The following COQ8A variants were observed in gnomAD, a reference collection of about 807,000 sequenced individuals.
COQ8A encodes the protein atypical kinase COQ8A, mitochondrial.
A neutral mutation model predicts 65.0 loss-of-function variants in COQ8A; 51 were observed. The observed-to-expected ratio is 0.78, with a 90% CI of 0.63 to 0.99. The LOEUF is 0.99. Ranked by LOEUF, COQ8A falls within the 50% of genes least tolerant of loss-of-function variation. The pLI is 0.00. For missense variants in COQ8A, 940 were observed against 875.0 expected, an observed-to-expected ratio of 1.07 and a Z score of -0.94; for synonymous variants, 371 against 353.2, an observed-to-expected ratio of 1.05 and a Z score of -0.57.
chr1:226,983,158 A>C, intron 8 of COQ8A, 124 bp downstream of exon 8: 1 of 1,383,660 alleles, frequency 7.2e-7, no homozygotes, highest in South Asian at 1.5e-5. Context: ...GCAGGGCCAT[A>C]TGTGGTGTCT....
chr1:226,973,396 A>C (rs1407699639), intron 4 of COQ8A, among the ~76,000 whole-genome samples: 1 of 152,166 alleles, frequency 6.6e-6, no homozygotes, highest in African/African-American at 2.4e-5. Flanking sequence ...AGCCAAGAAG[A>C]AGCATATGGC....
At position 226,981,694 on chromosome 1, in the gene COQ8A, G is replaced by A. The variant is rs75045502; in HGVS notation, c.731-333G>A. Among the ~76,000 whole-genome samples, 889 of 152,258 alleles carry A rather than the reference G, an allele frequency of 5.8e-3. 4 individuals are homozygous for A. The highest frequency in any genetic ancestry group is 0.01 in the Middle Eastern group (3 of 294). Reference sequence around the variant, plus strand: ...CATCCCTCTTGGTTCCCACTCCCACGCCCCTTCCAGCCACAGGCAGCACCA... The same window carrying A: ...CATCCCTCTTGGTTCCCACTCCCACACCCCTTCCAGCCACAGGCAGCACCA... On this transcript the variant is annotated intron_variant, in intron 5 of 14. Transcript: ENST00000366777.
intron 2 of COQ8A, among the ~76,000 whole-genome samples, chr1:226,963,991 C>T (rs968316272): frequency 6.6e-6 from 1 of 152,210 alleles, no homozygotes; most frequent in Non-Finnish European, 1.5e-5. Flanking sequence ...CATTTGCTGC[C>T]TGGTGACCTT....
Position 226,977,456 on chromosome 1 carries a change from C to A in COQ8A, c.663C>A (p.Ala221=). 6.4e-7 allele frequency: 1 copy of A among 1,563,848 alleles called. No individual in the cohort carries two copies. Among genetic ancestry groups the A allele is most frequent in the Non-Finnish European group, 8.7e-7 (1 of 1,154,400 alleles). The change falls in exon 5 of 15, where the codon GCC becomes GCA. Residue 221 remains alanine, a synonymous_variant. Transcript: ENST00000366777. ...GCCCCCTCCTCCTTGCAGGTCTGGC[C>A]GTGGGCCTGGGCTTCGGGGCACTGG... ...IGRLANFGGL[A]VGLGFGALAE... is the part of the protein sequence containing the mutation.
chr1:226,981,916 A>T, intron 5 of COQ8A, 111 bp from the exon 6 acceptor site: 2 of 1,521,310 alleles, frequency 1.3e-6, no homozygotes, highest in Non-Finnish European at 1.8e-6. Context: ...GGTTTTATGG[A>T]CGCCTGGGAG....
At chr1:226,961,609 G>A (rs1341520853) in intron 2 of COQ8A, 47 bp downstream of exon 2, 4 of 1,572,154 alleles carry the variant, frequency 2.5e-6, no homozygotes, top group Non-Finnish European at 3.5e-6. Context: ...AAGAGGGTGG[G>A]ACCTGGAGCT....
intron 1 of COQ8A, among the ~76,000 whole-genome samples, chr1:226,960,429 GGTACTTGGTGGTA>G (rs1558187483): frequency 7.0e-5 from 5 of 71,100 alleles, no homozygotes; most frequent in Non-Finnish European, 8.9e-5. Context: ...ACTTGGTGGT[GGTACTTGGTGGTA>G]CTTGGTGGTG....
At chr1:226,982,620 G>T (rs894829990) in intron 6 of COQ8A, 58 bp from the exon 7 acceptor site, 9 of 1,581,210 alleles carry the variant, frequency 5.7e-6, no homozygotes, top group Admixed American at 1.7e-5. Context: ...GCCCGCCCAG[G>T]TCCTGGGCGC....
intron 5 of COQ8A, 41 bp downstream of exon 5, chr1:226,977,564 G>T: frequency 1.9e-6 from 3 of 1,540,940 alleles, no homozygotes; most frequent in Non-Finnish European, 2.6e-6. Flanking sequence ...GGTGGGCCCC[G>T]GGAGGGTTGA....
intron 4 of COQ8A, among the ~76,000 whole-genome samples, chr1:226,976,059 G>A (rs1315251146): frequency 1.3e-5 from 2 of 151,970 alleles, no homozygotes; most frequent in Admixed American, 1.3e-4. Flanking sequence ...TGGCTGCCGG[G>A]CAGTGGGGCT....
chr1:226,943,592 T>A (rs898278415), intron 1 of COQ8A, among the ~76,000 whole-genome samples: 1 of 152,164 alleles, frequency 6.6e-6, no homozygotes, highest in African/African-American at 2.4e-5. Context: ...ATGGCTGAGA[T>A]TTCTAATCAG....
intron 1 of COQ8A, among the ~76,000 whole-genome samples, chr1:226,950,099 C>G (rs1397470373): frequency 1.3e-5 from 2 of 152,180 alleles, no homozygotes; most frequent in Non-Finnish European, 2.9e-5. Context: ...CTTTAAAAGC[C>G]TTGTGTGTCA....
In COQ8A at chr1:226,986,741, T is replaced by A; in HGVS notation, c.*4T>A. On this transcript the variant is annotated 3_prime_UTR_variant, in exon 15 of 15. Transcript: ENST00000366777. ...CAAGAGGCAGGCCCAGCAGTAGGGCTGCGGGCCACGCCCAGGCCGGCTCCG... is the reference window on the plus strand; with the variant it reads ...CAAGAGGCAGGCCCAGCAGTAGGGCAGCGGGCCACGCCCAGGCCGGCTCCG... The A allele has an allele frequency of 2.5e-6, 4 of 1,612,020 alleles. No individual in the cohort carries two copies. Among genetic ancestry groups the A allele is most frequent in the Non-Finnish European group, 2.5e-6 (3 of 1,179,862 alleles).
intron 1 of COQ8A, chr1:226,958,255 C>T (rs569266135): frequency 1.3e-5 from 2 of 152,268 alleles, no homozygotes; most frequent in South Asian, 4.1e-4. Flanking sequence ...GACTATCAAC[C>T]CCACAAAAGC....
chr1:226,948,224 T>C (rs1420398216), intron 1 of COQ8A, among the ~76,000 whole-genome samples: 1 of 152,188 alleles, frequency 6.6e-6, no homozygotes, highest in East Asian at 1.9e-4. Context: ...CCCGACCCCT[T>C]GCCTTTTCCA....
chr1:226,966,345 G>T (rs1558192282), intron 4 of COQ8A, among the ~76,000 whole-genome samples: 1 of 152,138 alleles, frequency 6.6e-6, no homozygotes, highest in Admixed American at 6.5e-5. Flanking sequence ...AAGTTGAAGG[G>T]TGATTTTATA....
chr1:226,977,979 G>A (rs528909151), intron 5 of COQ8A, among the ~76,000 whole-genome samples: 12 of 117,178 alleles, frequency 1.0e-4, no homozygotes, highest in Non-Finnish European at 1.7e-4. Context: ...CACACCCACT[G>A]AACACCCACA....
Position 226,982,729 on chromosome 1 carries a change from A to C in COQ8A, c.905A>C (p.Gln302Pro). The change falls in exon 7 of 15, where the codon CAG becomes CCG. Residue 302 changes from glutamine (Q) to proline (P), a missense_variant. Transcript: ENST00000366777. ...GCTAAGATCTTCGAGCGGGTGCGGC[A>C]GAGCGCGGACTTCATGCCACTGAAG... The part of the protein sequence containing the change: ...HLAKIFERVR[Q>P]SADFMPLKQM... The C allele has an allele frequency of 6.2e-7, 1 of 1,613,732 alleles. No homozygotes were observed. Among genetic ancestry groups the C allele is most frequent in the East Asian group, 2.2e-5 (1 of 44,874 alleles).
chr1:226,961,665 G>C, intron 2 of COQ8A, 103 bp downstream of exon 2: 3 of 1,402,476 alleles, frequency 2.1e-6, no homozygotes, highest in Non-Finnish European at 2.9e-6. Flanking sequence ...GTCTTTGGTG[G>C]CCAGGGCCTG....
Sources: gnomAD v4.1 joint callset for allele counts (sites outside exome capture counted in the v4.1 genomes callset) on GRCh38, gnomAD v4.1.1 for gene constraint, MANE v1.5 for transcripts, NCBI Gene and HGNC (gene_info 2026-07-23, HGNC 2026-07-21) for gene names.